ROR1: variants seen among roughly 807,000 people sequenced by gnomAD.
ROR1 encodes the protein inactive tyrosine-protein kinase transmembrane receptor ROR1.
A neutral mutation model predicts 78.8 loss-of-function variants in ROR1; 19 were observed. The observed-to-expected ratio is 0.24, with a 90% CI of 0.17 to 0.35. ROR1 has a LOEUF of 0.35. Among genes scored for constraint, ROR1 ranks in the 10% least tolerant of loss-of-function variants. The pLI is 1.00. For missense variants in ROR1, 917 were observed against 1,177.8 expected (o/e 0.78, Z 3.24); for synonymous variants, 386 against 433.6 (o/e 0.89, Z 1.36).
chr1:64,158,830 A>G (rs1418564248), intron 7 of ROR1, 151 bp from the exon 8 acceptor site: 1 of 623,600 alleles, frequency 1.6e-6, no homozygotes, highest in African/African-American at 1.8e-5. Context: ...ATGGAAACAA[A>G]TGGTAATAAG....
intron 1 of ROR1, among the ~76,000 whole-genome samples, chr1:63,902,866 C>T (rs1437332378): frequency 2.0e-5 from 3 of 152,182 alleles, no homozygotes; most frequent in African/African-American, 4.8e-5. Flanking sequence ...CTGTTTCCGC[C>T]AGTCATCCTT....
At chr1:64,034,277 G>A (rs1055920870) in intron 2 of ROR1, among the ~76,000 whole-genome samples, 5 of 151,756 alleles carry the variant, frequency 3.3e-5, no homozygotes, top group Admixed American at 2.0e-4. Flanking sequence ...GTCTAGCTAA[G>A]AGCAAGGGCA....
At chr1:64,051,591 T>A (rs1025391595) in intron 4 of ROR1, among the ~76,000 whole-genome samples, 2 of 152,190 alleles carry the variant, frequency 1.3e-5, no homozygotes, top group Non-Finnish European at 2.9e-5. Context: ...AGTCCCTCGT[T>A]AATGGAGTCT....
intron 2 of ROR1, among the ~76,000 whole-genome samples, chr1:64,021,516 C>T (rs1289445834): frequency 1.3e-5 from 2 of 152,150 alleles, no homozygotes; most frequent in Non-Finnish European, 2.9e-5. Context: ...ATTTAATGTG[C>T]CATAAAAACT....
intron 2 of ROR1, among the ~76,000 whole-genome samples, chr1:64,040,716 G>T (rs1186925887): frequency 1.3e-5 from 2 of 152,072 alleles, no homozygotes. Flanking sequence ...GATGTCCCTG[G>T]GGTCTATTTT....
At chr1:63,827,224 C>G (rs1644959166) in intron 1 of ROR1, among the ~76,000 whole-genome samples, 1 of 152,064 alleles carries the variant, frequency 6.6e-6, no homozygotes. Context: ...AATTTTCTCC[C>G]ATTCTGTAGG....
chr1:64,022,421 A>G (rs930490123), intron 2 of ROR1, among the ~76,000 whole-genome samples: 7 of 152,226 alleles, frequency 4.6e-5, no homozygotes, highest in African/African-American at 1.7e-4. Context: ...AAACAAAAAT[A>G]AGAAAACTCT....
At chr1:64,147,250 T>C (rs1205451974) in intron 7 of ROR1, among the ~76,000 whole-genome samples, 1 of 152,238 alleles carries the variant, frequency 6.6e-6, no homozygotes, top group Non-Finnish European at 1.5e-5. Flanking sequence ...TGAATATATG[T>C]GCAGAGGACA....
At chr1:63,932,423 T>G (rs1450711264) in intron 1 of ROR1, among the ~76,000 whole-genome samples, 1 of 152,088 alleles carries the variant, frequency 6.6e-6, no homozygotes, top group Non-Finnish European at 1.5e-5. Flanking sequence ...CTCCCTTCCT[T>G]CAGCCCATCT....
intron 1 of ROR1, among the ~76,000 whole-genome samples, chr1:63,824,609 C>G (rs1348429473): frequency 6.6e-6 from 1 of 152,082 alleles, no homozygotes; most frequent in African/African-American, 2.4e-5. Flanking sequence ...CAAACAACCC[C>G]ACAATGGATG....
chr1:63,874,791 C>T (rs1569849354), intron 1 of ROR1, among the ~76,000 whole-genome samples: 2 of 152,178 alleles, frequency 1.3e-5, no homozygotes, highest in African/African-American at 4.8e-5. Context: ...TCAAACAGCC[C>T]CAATTTCTCC....
At chr1:63,850,675 C>G (rs971433405) in intron 1 of ROR1, among the ~76,000 whole-genome samples, 11 of 152,034 alleles carry the variant, frequency 7.2e-5, no homozygotes, top group African/African-American at 2.7e-4. Context: ...CTGTATTGTT[C>G]TAGCTATATT....
intron 1 of ROR1, among the ~76,000 whole-genome samples, chr1:63,878,470 A>G (rs556559353): frequency 6.8e-6 from 1 of 147,676 alleles, no homozygotes; most frequent in Non-Finnish European, 1.5e-5. Flanking sequence ...CTTCTAATCT[A>G]TTCACCACAT....
At chr1:63,793,162 G>A (rs1644737285) in intron 1 of ROR1, among the ~76,000 whole-genome samples, 1 of 152,192 alleles carries the variant, frequency 6.6e-6, no homozygotes, top group African/African-American at 2.4e-5. Context: ...TAGGCGAGAT[G>A]GGTATTATTA....
At chr1:64,041,160 A>G (rs946515646) in intron 2 of ROR1, among the ~76,000 whole-genome samples, 9 of 152,294 alleles carry the variant, frequency 5.9e-5, no homozygotes, top group African/African-American at 1.9e-4. Flanking sequence ...AAACCTTGGT[A>G]TCTTCCTTAA....
At chr1:64,157,330 G>A (rs901514494) in intron 7 of ROR1, among the ~76,000 whole-genome samples, 8 of 151,968 alleles carry the variant, frequency 5.3e-5, no homozygotes, top group Non-Finnish European at 1.5e-5. Context: ...GTAGAGATGG[G>A]GTTTCGCCAT....
intron 1 of ROR1, among the ~76,000 whole-genome samples, chr1:63,852,591 A>G (rs1645121138): frequency 6.6e-6 from 1 of 152,230 alleles, no homozygotes. Context: ...TTTGTCTTAT[A>G]TGATACAAAT....
intron 1 of ROR1, among the ~76,000 whole-genome samples, chr1:63,870,194 C>T (rs570851123): frequency 6.6e-6 from 1 of 152,268 alleles, no homozygotes; most frequent in Non-Finnish European, 1.5e-5. Flanking sequence ...CTGTTCTCCC[C>T]ATTCTCCTCT....
chr1:64,072,341 T>G (rs1557638185), intron 4 of ROR1, among the ~76,000 whole-genome samples: 1 of 152,126 alleles, frequency 6.6e-6, no homozygotes, highest in Non-Finnish European at 1.5e-5. Flanking sequence ...AGAGCCTCTT[T>G]GAGGGCTCTG....
Sources: allele counts gnomAD v4.1 joint callset (sites outside exome capture counted in the v4.1 genomes callset), GRCh38; gene constraint gnomAD v4.1.1; transcripts MANE v1.5; gene names NCBI Gene and HGNC (gene_info 2026-07-23, HGNC 2026-07-21).